CHD1L: variants seen among roughly 807,000 people sequenced by gnomAD.
CHD1L encodes ATP-dependent chromatin remodeler CHD1L.
A neutral mutation model predicts 115.9 loss-of-function variants in CHD1L; 118 were observed. That is an observed-to-expected ratio of 1.02 (90% CI 0.88 to 1.19). The LOEUF is 1.19. Ranked by LOEUF, CHD1L falls within the 50% of genes most tolerant of loss-of-function variation. The pLI, the probability that CHD1L is intolerant of heterozygous loss-of-function variation, is 0.00. For missense variants in CHD1L, 1,179 were observed against 1,065.3 expected (o/e 1.11, Z -1.49); for synonymous variants, 411 against 387.1 (o/e 1.06, Z -0.72).
chr1:147,255,253 G>A (rs587686671), intron 3 of CHD1L, among the ~76,000 whole-genome samples: 1 of 152,262 alleles, frequency 6.6e-6, no homozygotes, highest in South Asian at 2.1e-4. Flanking sequence ...TTGAGACAGA[G>A]TTTTGCTCTT....
intron 8 of CHD1L, among the ~76,000 whole-genome samples, chr1:147,266,298 C>A (rs1466804509): frequency 6.6e-6 from 1 of 152,082 alleles, no homozygotes; most frequent in African/African-American, 2.4e-5. Context: ...TTCCTTTTCT[C>A]CCCTCACTCA....
the CHD1L span, chr1:147,201,154 T>G: frequency 6.2e-7 from 1 of 1,607,740 alleles, no homozygotes; most frequent in Non-Finnish European, 8.5e-7. Context: ...TCACTTACCT[T>G]TAAATACCTG....
At chr1:147,292,216 T>A (rs931672571) in intron 20 of CHD1L, among the ~76,000 whole-genome samples, 2 of 152,136 alleles carry the variant, frequency 1.3e-5, no homozygotes, top group Admixed American at 1.3e-4. Context: ...TAAGAAGGCA[T>A]GACTCAGAAC....
At chr1:147,271,069 A>G (rs149805123) in intron 11 of CHD1L, 64 bp downstream of exon 11, 3 of 1,278,394 alleles carry the variant, frequency 2.3e-6, no homozygotes, top group African/African-American at 2.9e-5. Context: ...AGATAGGTCC[A>G]TGAAGAATAA....
At position 147,280,019 on chromosome 1, in the gene CHD1L, A is replaced by T. The variant is rs374473153; in HGVS notation, c.1540-7A>T. 1 of 1,613,536 alleles carries T rather than the reference A, an allele frequency of 6.2e-7. No individual in the cohort carries two copies. Among genetic ancestry groups the T allele is most frequent in the East Asian group, 2.2e-5 (1 of 44,850 alleles). ...TTTGCTGGACTTTTTTGTTTCCTCT[A>T]TTCAAGTTGAGTGAGATACTCAAAT... On this transcript the variant is annotated splice_region_variant and splice_polypyrimidine_tract_variant and intron_variant, in intron 14 of 22. Transcript: ENST00000369258.
At chr1:147,289,034 C>G (rs1270445673) in intron 19 of CHD1L, among the ~76,000 whole-genome samples, 1 of 152,112 alleles carries the variant, frequency 6.6e-6, no homozygotes, top group African/African-American at 2.4e-5. Flanking sequence ...GCCCAGTTCT[C>G]TATGGTGGAA....
At chr1:147,203,648 G>A in the CHD1L span, 77 of 1,366,550 alleles carry the variant, frequency 5.6e-5, no homozygotes, top group Middle Eastern at 1.8e-4. Context: ...TCCAGGACAT[G>A]TCTCTCCATA....
the CHD1L span, chr1:147,215,916 A>C: frequency 3.1e-6 from 5 of 1,609,682 alleles, no homozygotes; most frequent in South Asian, 5.6e-5. Context: ...ATTTGTAAAT[A>C]CTGGCCCTTC....
At chr1:147,182,677 C>A in the CHD1L span, among the ~76,000 whole-genome samples, 1 of 152,082 alleles carries the variant, frequency 6.6e-6, no homozygotes, top group African/African-American at 2.4e-5. Context: ...GGGGAGTCAA[C>A]AATTCTGCTA....
At chr1:147,178,024 A>C in the CHD1L span, 2 of 635,412 alleles carry the variant, frequency 3.1e-6, no homozygotes, top group East Asian at 6.2e-5. Flanking sequence ...AATTAGTAGA[A>C]AAGTGGTAAA....
chr1:147,253,406 T>C (rs1435808169), intron 2 of CHD1L, among the ~76,000 whole-genome samples: 5 of 152,236 alleles, frequency 3.3e-5, no homozygotes, highest in African/African-American at 1.2e-4. Context: ...AAGCCATAGA[T>C]AATTTAAAAA....
the CHD1L span, chr1:147,186,227 G>T: frequency 1.5e-6 from 1 of 671,386 alleles, no homozygotes; most frequent in Non-Finnish European, 1.8e-6. Flanking sequence ...ATTGGCAGAT[G>T]GTAGATGATC....
chr1:147,265,499 G>GCTT (rs1237585238), intron 7 of CHD1L, among the ~76,000 whole-genome samples: 1 of 152,160 alleles, frequency 6.6e-6, no homozygotes, highest in African/African-American at 2.4e-5. Context: ...GGGATTTTAA[G>GCTT]TCAAAGAGCC....
At chr1:147,293,286 A>G (rs1172782501) in intron 20 of CHD1L, among the ~76,000 whole-genome samples, 2 of 149,194 alleles carry the variant, frequency 1.3e-5, no homozygotes, top group Non-Finnish European at 3.0e-5. Context: ...GATCTTTTCC[A>G]TGCCTACAAT....
At chr1:147,187,149 A>C in the CHD1L span, 16 of 1,614,018 alleles carry the variant, frequency 9.9e-6, no homozygotes, top group Middle Eastern at 1.6e-4. Context: ...TGAAGGCCAG[A>C]GACAGCAGAT....
chr1:147,267,174 G>A (rs1553949014), intron 8 of CHD1L, among the ~76,000 whole-genome samples: 1 of 152,188 alleles, frequency 6.6e-6, no homozygotes, highest in African/African-American at 2.4e-5. Flanking sequence ...TTTAGAATTT[G>A]CAAAAGAGTA....
At chr1:147,185,000 C>T in the CHD1L span, among the ~76,000 whole-genome samples, 1 of 151,934 alleles carries the variant, frequency 6.6e-6, no homozygotes, top group African/African-American at 2.4e-5. This position sits in a 1 kb window ranked among gnomAD's most constrained non-coding sequence, Gnocchi z 4.4. Context: ...TTGTAATCGA[C>T]TTTAAAATAA....
At chr1:147,292,994 A>C (rs1686144359) in intron 20 of CHD1L, among the ~76,000 whole-genome samples, 1 of 104,190 alleles carries the variant, frequency 9.6e-6, no homozygotes, top group African/African-American at 2.6e-5. Context: ...ATGCTAAAAA[A>C]GGAGAAAAGT....
chr1:147,268,974 T>TG, intron 10 of CHD1L, 96 bp downstream of exon 10: 2 of 711,576 alleles, frequency 2.8e-6, no homozygotes, highest in Non-Finnish European at 4.1e-6. Context: ...ATTCCAGTTT[T>TG]CTTTTTTTTC....
Sources: allele counts gnomAD v4.1 joint callset (sites outside exome capture counted in the v4.1 genomes callset), GRCh38; gene constraint gnomAD v4.1.1; non-coding constraint Gnocchi (gnomAD v3.1); transcripts MANE v1.5; gene names NCBI Gene and HGNC (gene_info 2026-07-23, HGNC 2026-07-21).